Variants in RBFOX1 observed in about 807,000 individuals in gnomAD.
The protein encoded by RBFOX1 is RNA binding fox-1 homolog 1, also known as RNA binding protein fox-1 homolog 1.
In RBFOX1, 8 loss-of-function variants were observed where a neutral mutation model predicts 57.7. The ratio of observed to expected loss-of-function variants is 0.14; its 90% confidence interval spans 0.08 to 0.25. The LOEUF is 0.25. Ranked by LOEUF, RBFOX1 falls within the 10% of genes least tolerant of loss-of-function variation. The pLI is 1.00. For missense variants in RBFOX1, 611 were observed against 548.5 expected, an observed-to-expected ratio of 1.11 and a Z score of -1.14; for synonymous variants, 326 against 222.4, an observed-to-expected ratio of 1.47 and a Z score of -4.15.
chr16:7,559,319 C>A (rs910328390), intron 5 of RBFOX1, among the ~76,000 whole-genome samples: 1 of 150,216 alleles, frequency 6.7e-6, no homozygotes, highest in African/African-American at 2.5e-5. Context: ...TTCTCTCAGT[C>A]TCTCTCTTTC....
intron 2 of RBFOX1, among the ~76,000 whole-genome samples, chr16:5,560,280 T>A (rs1416982332): frequency 6.6e-6 from 1 of 151,938 alleles, no homozygotes; most frequent in Non-Finnish European, 1.5e-5. Flanking sequence ...AGGAAGCACT[T>A]AGTCACCTCC....
chr16:5,323,056 G>C (rs1160749377), intron 1 of RBFOX1, among the ~76,000 whole-genome samples: 1 of 152,168 alleles, frequency 6.6e-6, no homozygotes, highest in Non-Finnish European at 1.5e-5. Flanking sequence ...CTGCCTCTCT[G>C]TGCCTCAGTT....
At chr16:6,660,372 TC>T (rs1048483272) in intron 3 of RBFOX1, among the ~76,000 whole-genome samples, 1 of 152,038 alleles carries the variant, frequency 6.6e-6, no homozygotes, top group African/African-American at 2.4e-5. Context: ...AACCTGCACA[TC>T]CCGCACATGT....
intron 4 of RBFOX1, among the ~76,000 whole-genome samples, chr16:5,986,273 A>AGGCT (rs959938132): frequency 6.6e-6 from 1 of 152,142 alleles, no homozygotes; most frequent in African/African-American, 2.4e-5. Flanking sequence ...CAAGTTGCTC[A>AGGCT]GGCTGGTCTC....
At chr16:6,923,739 G>C (rs780961392) in intron 3 of RBFOX1, among the ~76,000 whole-genome samples, 2 of 152,092 alleles carry the variant, frequency 1.3e-5, no homozygotes. Context: ...AAGTGGTCAG[G>C]AACACAGATA....
chr16:5,454,964 T>TTTCC (rs2068576479), intron 1 of RBFOX1, among the ~76,000 whole-genome samples: 3 of 62,306 alleles, frequency 4.8e-5, no homozygotes, highest in African/African-American at 1.7e-4. Context: ...CCTTCCTTTC[T>TTTCC]TTCTTTCTTT....
intron 1 of RBFOX1, among the ~76,000 whole-genome samples, chr16:5,432,487 T>A (rs1597042485): frequency 6.6e-6 from 1 of 151,642 alleles, no homozygotes; most frequent in East Asian, 1.9e-4. Flanking sequence ...AGTTAAAGGC[T>A]CTTATTTTCT....
intron 4 of RBFOX1, among the ~76,000 whole-genome samples, chr16:5,955,351 TAAA>T (rs2059612140): frequency 3.8e-5 from 3 of 78,926 alleles, no homozygotes; most frequent in Admixed American, 2.7e-4. Context: ...TAAAATAAAA[TAAA>T]TAAAAATAAA....
chr16:7,174,321 A>G (rs1285853622), intron 4 of RBFOX1, among the ~76,000 whole-genome samples: 1 of 152,122 alleles, frequency 6.6e-6, no homozygotes, highest in East Asian at 1.9e-4. Flanking sequence ...TTACCCATTT[A>G]TTGATGGATA....
chr16:6,479,419 C>G (rs1457014572), intron 2 of RBFOX1, among the ~76,000 whole-genome samples: 1 of 151,968 alleles, frequency 6.6e-6, no homozygotes, highest in Non-Finnish European at 1.5e-5. Context: ...GAAACCCTGT[C>G]TCTACTAAAA....
intron 4 of RBFOX1, among the ~76,000 whole-genome samples, chr16:5,981,342 G>A (rs1474145284): frequency 1.3e-5 from 2 of 152,210 alleles, no homozygotes; most frequent in Non-Finnish European, 2.9e-5. Context: ...GGTTCTGTGG[G>A]TCTGGGGTGA....
intron 3 of RBFOX1, among the ~76,000 whole-genome samples, chr16:5,628,308 A>G (rs531706522): frequency 1.3e-5 from 2 of 152,332 alleles, no homozygotes; most frequent in East Asian, 3.9e-4. Flanking sequence ...ACCAATTATC[A>G]CAGACTAAAT....
chr16:5,321,307 G>A (rs1433473226), intron 1 of RBFOX1, among the ~76,000 whole-genome samples: 1 of 144,368 alleles, frequency 6.9e-6, no homozygotes, highest in African/African-American at 2.5e-5. Flanking sequence ...TAAAACATGA[G>A]ATATAAGAGA....
In RBFOX1 at chr16:7,248,454, A is replaced by G. The variant is rs556807173; in HGVS notation, c.27+196356A>G. 3.9e-5 allele frequency among the ~76,000 whole-genome samples: 6 copies of G among 152,330 alleles called. No homozygotes were observed. The East Asian group carries it at 1.2e-3, about 29-fold the overall frequency. Reference sequence around the variant, plus strand: ...TTTCCAGTCATTTGGGGGAAAAGGTAGGATCTGAATGAACAGAGACTTTCA... The same window carrying G: ...TTTCCAGTCATTTGGGGGAAAAGGTGGGATCTGAATGAACAGAGACTTTCA... On this transcript the variant is annotated intron_variant, in intron 4 of 15. Transcript: ENST00000550418.
intron 2 of RBFOX1, among the ~76,000 whole-genome samples, chr16:6,566,775 C>A (rs1249657806): frequency 6.6e-6 from 1 of 152,122 alleles, no homozygotes; most frequent in Non-Finnish European, 1.5e-5. Flanking sequence ...GCATGCTTAC[C>A]CTTTGCTTAC....
intron 3 of RBFOX1, among the ~76,000 whole-genome samples, chr16:5,796,058 C>T (rs1042280626): frequency 2.0e-5 from 3 of 152,140 alleles, no homozygotes; most frequent in African/African-American, 7.2e-5. Context: ...AGTGCATTTT[C>T]AGCTTGTAGA....
At chr16:6,792,871 A>G (rs1012839862) in intron 3 of RBFOX1, among the ~76,000 whole-genome samples, 1 of 152,096 alleles carries the variant, frequency 6.6e-6, no homozygotes, top group African/African-American at 2.4e-5. Context: ...TCTACTAAAA[A>G]TACAAAAAAT....
chr16:7,666,037 A>G (rs748907468), intron 13 of RBFOX1, among the ~76,000 whole-genome samples: 1 of 152,180 alleles, frequency 6.6e-6, no homozygotes, highest in African/African-American at 2.4e-5. Context: ...TGAACAACCC[A>G]TATGTCCTAA....
chr16:6,651,208 C>T (rs1017184825), intron 2 of RBFOX1, among the ~76,000 whole-genome samples: 2 of 152,078 alleles, frequency 1.3e-5, no homozygotes, highest in East Asian at 1.9e-4. Flanking sequence ...GGCCTGGAAC[C>T]CCTAATGTTT....
Sources: gnomAD v4.1 joint callset for allele counts (sites outside exome capture counted in the v4.1 genomes callset) on GRCh38, gnomAD v4.1.1 for gene constraint, MANE v1.5 for transcripts, NCBI Gene and HGNC (gene_info 2026-07-23, HGNC 2026-07-21) for gene names.